VCAM1: variants seen among roughly 807,000 people sequenced by gnomAD.
The protein encoded by VCAM1 is vascular cell adhesion molecule 1, also known as vascular cell adhesion protein 1.
In VCAM1, 41 loss-of-function variants were observed where a neutral mutation model predicts 63.8. The ratio of observed to expected loss-of-function variants is 0.64; its 90% CI spans 0.50 to 0.83. The LOEUF (loss-of-function observed/expected upper bound fraction) is 0.83. Ranked by LOEUF, VCAM1 falls within the 40% of genes least tolerant of loss-of-function variation. The probability of loss-of-function intolerance (pLI) is 0.00; values close to 1 mark genes in which losing one functional copy is unlikely to be tolerated. For missense variants in VCAM1, 798 were observed against 875.5 expected, an observed-to-expected ratio of 0.91 and a Z score of 1.12; for synonymous variants, 338 against 320.7, an observed-to-expected ratio of 1.05 and a Z score of -0.58.
chr1:100,725,433 T>G (rs1412850209), intron 4 of VCAM1, among the ~76,000 whole-genome samples: 1 of 152,072 alleles, frequency 6.6e-6, no homozygotes, highest in Non-Finnish European at 1.5e-5. Context: ...GATAGGTTTC[T>G]GGCACTTTCC....
intron 5 of VCAM1, among the ~76,000 whole-genome samples, chr1:100,730,956 G>T (rs1660431365): frequency 6.6e-6 from 1 of 152,034 alleles, no homozygotes. Context: ...AAGAAGAAAA[G>T]AAATAAGTGA....
intron 7 of VCAM1, among the ~76,000 whole-genome samples, chr1:100,733,617 A>G (rs1039699370): frequency 5.9e-5 from 9 of 152,174 alleles, no homozygotes; most frequent in African/African-American, 2.2e-4. Context: ...AAAATTGGTG[A>G]TATGGTACCT....
At position 100,731,573 on chromosome 1, in the gene VCAM1, G is replaced by A; in HGVS notation, c.1525+55G>A. The A allele has an allele frequency of 6.7e-7, 1 of 1,490,926 alleles. No individual in the cohort carries two copies. Among genetic ancestry groups the A allele is most frequent in the Non-Finnish European group, 9.1e-7 (1 of 1,099,592 alleles). The allele number at this position is 1,490,926 out of a possible 1,614,324, so 92.4% of individuals were successfully genotyped here. A position where few individuals can be genotyped will look rare whatever the true frequency, so the allele number is the denominator to read the frequency against. On this transcript the variant is annotated intron_variant, in intron 6 of 8. Coordinates refer to ENST00000294728, the MANE Select transcript of VCAM1 (RefSeq NM_001078.4). This position sits in a 1 kb window ranked among gnomAD's most constrained non-coding sequence, Gnocchi z 4.2. ...TAATACCTGTCTCTTTATCGTGTTT[G>A]CCAGGCAATAGTTAACATAAGGTTA...
rs781710237 is a variant in VCAM1, at chr1:100,723,301, C to T, written c.622C>T (p.Pro208Ser). Reference protein sequence around the residue: ...KLHIDEMDSVPTVRQAVKELQ... With the variant: ...KLHIDEMDSVSTVRQAVKELQ... ...ACACATTGATGAAATGGATTCTGTG[C>T]CCACAGTAAGGCAGGCTGTAAAAGA... is the stretch of plus-strand genomic sequence containing the variant. Residue 208 changes from proline to serine, a missense_variant, in exon 3 of 9, where the codon CCC becomes TCC. Coordinates refer to ENST00000294728, the MANE Select transcript of VCAM1 (RefSeq NM_001078.4). The T allele has an allele frequency of 1.6e-5, 25 of 1,612,790 alleles. No homozygotes were observed. The highest frequency in any genetic ancestry group is 2.0e-5 in the Non-Finnish European group (24 of 1,179,286).
chr1:100,728,104 C>T (rs1046860736), intron 4 of VCAM1, among the ~76,000 whole-genome samples: 1 of 152,030 alleles, frequency 6.6e-6, no homozygotes, highest in East Asian at 1.9e-4. Context: ...TGTTCCCTTT[C>T]TCCCTAAATA....
rs776409888 is a variant in VCAM1 at position 100,720,458 on chromosome 1, C to CT, written c.65-11dup. Reference sequence around the variant, plus strand: ...AAACTAGTGGTAAATTTGCTTCTGTCTTTTTTTGCTTTTGCAGCTCAAGCT... The same window carrying CT: ...AAACTAGTGGTAAATTTGCTTCTGTCTTTTTTTTGCTTTTGCAGCTCAAGCT... On this transcript the variant is annotated splice_polypyrimidine_tract_variant and intron_variant, in intron 1 of 8. Transcript: ENST00000294728. 7 of 1,599,714 alleles carry CT rather than the reference C, an allele frequency of 4.4e-6. No individual in the cohort carries two copies. The highest frequency in any genetic ancestry group is 4.0e-5 in the African/African-American group (3 of 74,254).
chr1:100,739,031 T>A lies in VCAM1; in HGVS notation c.*748T>A, dbSNP rs1368883475. The A allele has an allele frequency of 1.3e-5, 2 of 152,228 alleles. No individual in the cohort carries two copies. The highest frequency in any genetic ancestry group is 2.9e-5 in the Non-Finnish European group (2 of 68,036). 9.4% of individuals were successfully genotyped at this position (152,228 alleles called of 1,614,324 possible). On this transcript the variant is annotated 3_prime_UTR_variant, in exon 9 of 9. Transcript: ENST00000294728. ...GTTTTTTTGTATAGTAAAGTGATAA[T>A]TTCTGGAATTAGAATGGTTGTATGT...
chr1:100,722,010 A>T (rs1440070156), intron 2 of VCAM1, among the ~76,000 whole-genome samples: 1 of 152,050 alleles, frequency 6.6e-6, no homozygotes, highest in Admixed American at 6.6e-5. Context: ...TTCTGGTTTT[A>T]ATTATCTTGC....
chr1:100,729,360 G>T lies in VCAM1; in HGVS notation c.1182G>T (p.Lys394Asn). The T allele has an allele frequency of 6.2e-6, 10 of 1,607,484 alleles. No homozygotes were observed. The highest frequency in any genetic ancestry group is 7.7e-6 in the Non-Finnish European group (9 of 1,176,436). Residue 394 changes from lysine to asparagine, a missense_variant, in exon 5 of 9, where the codon AAG becomes AAT. By Grantham distance (94) the Lys-to-Asn change is moderately conservative (BLOSUM62 0). Transcript: ENST00000294728. ...CTTGTGGACATAAGAAACTGGAAAA[G>T]GGAATCCAGGTGGAGCTCTACTGTA... ...TVTCGHKKLE[K>N]GIQVELYSFP...
At chr1:100,734,095 G>A (rs907789659) in intron 7 of VCAM1, among the ~76,000 whole-genome samples, 3 of 152,048 alleles carry the variant, frequency 2.0e-5, no homozygotes, top group East Asian at 1.9e-4. Flanking sequence ...AAAAGTTCTC[G>A]TAAAAACTCA....
intron 3 of VCAM1, 98 bp downstream of exon 3, chr1:100,723,438 G>C (rs533982473): frequency 4.1e-6 from 5 of 1,225,218 alleles, no homozygotes; most frequent in Non-Finnish European, 5.6e-6. Flanking sequence ...AAAAAAACTT[G>C]TATATAGTTT....
At chr1:100,721,656 G>C (rs970173569) in intron 2 of VCAM1, among the ~76,000 whole-genome samples, 2 of 151,998 alleles carry the variant, frequency 1.3e-5, no homozygotes, top group Non-Finnish European at 2.9e-5. Context: ...AATTGATTCT[G>C]CAACAAACCG....
chr1:100,729,894 A>G (rs1237849919), intron 5 of VCAM1, among the ~76,000 whole-genome samples: 1 of 152,120 alleles, frequency 6.6e-6, no homozygotes, highest in Non-Finnish European at 1.5e-5. Flanking sequence ...GGCTCAGGTG[A>G]AAAGCAGAAT....
intron 4 of VCAM1, 89 bp from the exon 5 acceptor site, chr1:100,729,018 C>T: frequency 1.4e-6 from 2 of 1,380,056 alleles, no homozygotes; most frequent in Non-Finnish European, 1.9e-6. Context: ...GAAAGGAGAT[C>T]AGGAAAAATA....
intron 7 of VCAM1, among the ~76,000 whole-genome samples, chr1:100,733,219 C>A (rs1400844154): frequency 6.6e-6 from 1 of 152,140 alleles, no homozygotes; most frequent in African/African-American, 2.4e-5. Context: ...GATCTAGGCC[C>A]CTTCTCTTTA....
intron 4 of VCAM1, among the ~76,000 whole-genome samples, chr1:100,726,064 C>G (rs1411371612): frequency 2.6e-5 from 4 of 151,960 alleles, no homozygotes; most frequent in Non-Finnish European, 5.9e-5. Flanking sequence ...CCTTCCACTC[C>G]TCGCCCCAGC....
intron 4 of VCAM1, among the ~76,000 whole-genome samples, chr1:100,728,712 G>C (rs1224469652): frequency 1.3e-5 from 1 of 77,682 alleles, no homozygotes; most frequent in African/African-American, 4.3e-5. Flanking sequence ...AGGATTAAAT[G>C]AGAATATATA....
chr1:100,724,156 C>G (rs1317901281), intron 3 of VCAM1, among the ~76,000 whole-genome samples: 1 of 152,060 alleles, frequency 6.6e-6, no homozygotes, highest in Non-Finnish European at 1.5e-5. Context: ...TATTCTGTAA[C>G]AGCACAGGGC....
intron 8 of VCAM1, chr1:100,736,469 T>C (rs944570886): frequency 6.6e-6 from 1 of 152,174 alleles, no homozygotes; most frequent in Non-Finnish European, 1.5e-5. Flanking sequence ...TCAGTGTTTA[T>C]ATGACAAATA....
Sources: allele counts gnomAD v4.1 joint callset (sites outside exome capture counted in the v4.1 genomes callset), GRCh38; gene constraint gnomAD v4.1.1; non-coding constraint Gnocchi (gnomAD v3.1); transcripts MANE v1.5; gene names NCBI Gene and HGNC (gene_info 2026-07-23, HGNC 2026-07-21).